The following CDH5 variants were observed in gnomAD, a reference collection of about 807,000 sequenced individuals.
The protein encoded by CDH5 is cadherin-5.
A neutral mutation model predicts 62.0 loss-of-function variants in CDH5; 28 were observed. The observed-to-expected ratio is 0.45, with a 90% CI of 0.33 to 0.62. CDH5 has a LOEUF of 0.62. Ranked by LOEUF, CDH5 falls within the 20% of genes least tolerant of loss-of-function variation. The pLI is 0.02. For synonymous variants in CDH5, 464 were observed against 445.8 expected (o/e 1.04, Z -0.52); for missense variants, 940 against 1,065.1 (o/e 0.88, Z 1.63).
At chr16:66,402,524 G>A (rs1255941710) in intron 11 of CDH5, 128 bp from the exon 12 acceptor site, 2 of 748,652 alleles carry the variant, frequency 2.7e-6, no homozygotes, top group Non-Finnish European at 4.1e-6. Flanking sequence ...GGGAAGGGGG[G>A]GCCAAAGGGA....
At chr16:66,383,860 C>T (rs1960937402) in intron 2 of CDH5, among the ~76,000 whole-genome samples, 1 of 152,138 alleles carries the variant, frequency 6.6e-6, no homozygotes, top group Admixed American at 6.5e-5. Context: ...CTCCCTGTCT[C>T]CACTTCCTCC....
At chr16:66,366,924 G>A (rs1026584577) in intron 1 of CDH5, among the ~76,000 whole-genome samples, 166 bp downstream of exon 1, 6 of 152,228 alleles carry the variant, frequency 3.9e-5, no homozygotes, top group Non-Finnish European at 5.9e-5. Context: ...GAGCAGGGTC[G>A]GGGAAGGTGC....
At chr16:66,390,703 T>C in intron 6 of CDH5, 113 bp downstream of exon 6, 1 of 958,426 alleles carries the variant, frequency 1.0e-6, no homozygotes, top group Non-Finnish European at 1.6e-6. Context: ...CCATCAAAGC[T>C]CCAAGGTGGT....
chr16:66,379,236 C>G, intron 1 of CDH5, 83 bp from the exon 2 acceptor site: 1 of 988,118 alleles, frequency 1.0e-6, no homozygotes, highest in Non-Finnish European at 1.5e-6. Context: ...TTATATCTAG[C>G]TGCTCTTATG....
Position 66,403,021 on chromosome 16 carries a change from C to T in CDH5, c.2207C>T (p.Ser736Phe), listed in dbSNP as rs1961323252. ...DTLHIYGYEG[S>F]ESIAESLSSL... The stretch of plus-strand genomic sequence containing the variant: ...CTGCACATCTACGGCTACGAGGGCT[C>T]CGAGTCCATAGCCGAGTCCCTCAGC... Residue 736 changes from serine (S) to phenylalanine (F), a missense_variant, in exon 12 of 12, where the codon TCC (serine) becomes TTC (phenylalanine). Coordinates refer to ENST00000341529, the MANE Select transcript of CDH5 (RefSeq NM_001795.5). This position sits in a 1 kb window ranked among gnomAD's most constrained non-coding sequence, Gnocchi z 4.3. 6.2e-7 allele frequency: 1 copy of T among 1,613,314 alleles called. No individual in the cohort carries two copies. Among genetic ancestry groups the T allele is most frequent in the African/African-American group, 1.3e-5 (1 of 75,036 alleles).
rs559748966 is a variant in CDH5, at chr16:66,374,939, C to T, written c.-19-4380C>T. Among the ~76,000 whole-genome samples the T allele has an allele frequency of 5.9e-5, 9 of 152,010 alleles. No homozygotes were observed. The South Asian group carries it at 1.9e-3, about 32-fold the overall frequency. ...ATTAGGTGTATCTCCTAATGCTATCCCTCCCCTCTCCCCCCACCCCACGAC... is the reference window on the plus strand; with the variant it reads ...ATTAGGTGTATCTCCTAATGCTATCTCTCCCCTCTCCCCCCACCCCACGAC... On this transcript the variant is annotated intron_variant, in intron 1 of 11. Coordinates refer to ENST00000341529, the MANE Select transcript of CDH5 (RefSeq NM_001795.5).
At chr16:66,381,079 G>A (rs909590131) in intron 2 of CDH5, among the ~76,000 whole-genome samples, 10 of 152,122 alleles carry the variant, frequency 6.6e-5, no homozygotes, top group Non-Finnish European at 1.0e-4. Context: ...TTGAAAGATC[G>A]GAAAAGAACT....
chr16:66,386,464 A>G (rs1960984863), intron 2 of CDH5, among the ~76,000 whole-genome samples: 1 of 151,984 alleles, frequency 6.6e-6, no homozygotes, highest in African/African-American at 2.4e-5. Flanking sequence ...AGTGTCTATT[A>G]TTTCCATTTT....
chr16:66,386,657 A>C, intron 2 of CDH5, 152 bp from the exon 3 acceptor site: 1 of 631,486 alleles, frequency 1.6e-6, no homozygotes, highest in Non-Finnish European at 2.7e-6. Context: ...CTTGATAAAA[A>C]ATCTCAGTAT....
rs1477590559 is a variant in CDH5, at chr16:66,403,245, C to A, written c.*76C>A. ...CCAGTCAGACGCCAGGCACCACAGC[C>A]TCCAAAAATGGCAGTGACTCCCCAG... On this transcript the variant is annotated 3_prime_UTR_variant, in exon 12 of 12. Coordinates refer to ENST00000341529, the MANE Select transcript of CDH5 (RefSeq NM_001795.5). The surrounding 1 kb of genome is among the most constrained non-coding windows in gnomAD (Gnocchi z 4.3). The A allele has an allele frequency of 5.0e-6, 7 of 1,389,054 alleles. No individual in the cohort carries two copies. The Admixed American group carries it at 6.6e-5, about 13-fold the overall frequency. 86.0% of individuals were successfully genotyped at this position (1,389,054 alleles called of 1,614,324 possible).
chr16:66,393,221 TAA>T (rs924208617), intron 7 of CDH5, among the ~76,000 whole-genome samples: 1 of 152,252 alleles, frequency 6.6e-6, no homozygotes, highest in African/African-American at 2.4e-5. Context: ...CATTATATAC[TAA>T]GTTTTCTGTA....
chr16:66,388,244 G>A, intron 3 of CDH5, 80 bp from the exon 4 acceptor site: 1 of 860,106 alleles, frequency 1.2e-6, no homozygotes, highest in East Asian at 2.4e-5. Context: ...CACAGCCTGA[G>A]CCCCATCTGC....
chr16:66,395,919 G>A, intron 7 of CDH5, 140 bp from the exon 8 acceptor site: 2 of 760,116 alleles, frequency 2.6e-6, no homozygotes, highest in South Asian at 3.9e-5. Context: ...TTGTCTGAGT[G>A]GCAGAGTGCA....
chr16:66,383,905 C>T (rs1960938154), intron 2 of CDH5, among the ~76,000 whole-genome samples: 1 of 152,076 alleles, frequency 6.6e-6, no homozygotes, highest in Admixed American at 6.5e-5. Context: ...CATCATCTAA[C>T]TTCCCACCCT....
At chr16:66,374,124 A>G (rs1960742139) in intron 1 of CDH5, among the ~76,000 whole-genome samples, 1 of 152,284 alleles carries the variant, frequency 6.6e-6, no homozygotes, top group Non-Finnish European at 1.5e-5. Flanking sequence ...TACCTGCAAA[A>G]TGGGAACGCA....
chr16:66,369,415 A>G (rs1211100550), intron 1 of CDH5, among the ~76,000 whole-genome samples: 3 of 152,134 alleles, frequency 2.0e-5, no homozygotes, highest in East Asian at 3.9e-4. Context: ...TGCACCCATG[A>G]TCTCATTTAA....
intron 2 of CDH5, among the ~76,000 whole-genome samples, chr16:66,381,267 C>A (rs1429043559): frequency 3.3e-5 from 5 of 152,202 alleles, no homozygotes; most frequent in African/African-American, 9.6e-5. Context: ...AGGTACCTGA[C>A]CCAAGCCTGC....
At chr16:66,401,510 T>C (rs886727718) in intron 11 of CDH5, among the ~76,000 whole-genome samples, 1 of 152,222 alleles carries the variant, frequency 6.6e-6, no homozygotes, top group Non-Finnish European at 1.5e-5. Context: ...ATTTTTTTTC[T>C]TGTTTGGGCC....
intron 11 of CDH5, among the ~76,000 whole-genome samples, 190 bp from the exon 12 acceptor site, chr16:66,402,462 A>C (rs2142346914): frequency 4.1e-5 from 4 of 98,038 alleles, no homozygotes; most frequent in Middle Eastern, 4.4e-3. Context: ...GTATGGGGGA[A>C]CGGCGGGGAT....
Sources: gnomAD v4.1 joint callset for allele counts (sites outside exome capture counted in the v4.1 genomes callset) on GRCh38, gnomAD v4.1.1 for gene constraint, Gnocchi (gnomAD v3.1) non-coding constraint, MANE v1.5 for transcripts, NCBI Gene and HGNC (gene_info 2026-07-23, HGNC 2026-07-21) for gene names.